The following GALNT15 variants were observed in gnomAD, a reference collection of about 807,000 sequenced individuals.
GALNT15 encodes UDP-GalNAc transferase T15.
In GALNT15, 67 loss-of-function variants were observed where a neutral mutation model predicts 66.8. That is an observed-to-expected ratio of 1.00 (90% confidence interval 0.82 to 1.23). The LOEUF (loss-of-function observed/expected upper bound fraction) is 1.23. Among genes scored for constraint, GALNT15 ranks in the 50% most tolerant of loss-of-function variants. GALNT15 has a pLI of 0.00. For missense variants in GALNT15, 827 were observed against 804.3 expected, an observed-to-expected ratio of 1.03 and a Z score of -0.34; for synonymous variants, 313 against 311.5, an observed-to-expected ratio of 1.00 and a Z score of -0.05.
At chr3:16,205,038 T>G (rs1056773339) in intron 3 of GALNT15, among the ~76,000 whole-genome samples, 1 of 152,228 alleles carries the variant, frequency 6.6e-6, no homozygotes, top group African/African-American at 2.4e-5. Context: ...CAGCCTTCTT[T>G]GGCTCAGGTG....
downstream of GALNT15, among the ~76,000 whole-genome samples, chr3:16,236,637 A>G (rs967647790): frequency 1.3e-5 from 2 of 152,260 alleles, no homozygotes; most frequent in African/African-American, 4.8e-5. Flanking sequence ...TCTGTTATAC[A>G]TAACAGAACA....
chr3:16,222,695 G>T lies in GALNT15; in HGVS notation c.1710G>T (p.Val570=). The change falls in exon 9 of 10, where the codon GTG becomes GTT. Residue 570 remains valine, a synonymous_variant. Coordinates refer to ENST00000339732, the MANE Select transcript of GALNT15 (RefSeq NM_054110.5). ...HLCFAVRQEQ[V]ILQNCTEEGL... ...GCTTTGCTGTCAGGCAGGAGCAGGT[G>T]ATTCTTCAGAACTGCACGGAGGAAG... The T allele has an allele frequency of 6.2e-7, 1 of 1,614,258 alleles. No individual in the cohort carries two copies. Among genetic ancestry groups the T allele is most frequent in the Non-Finnish European group, 8.5e-7 (1 of 1,180,050 alleles).
rs914434248 is a variant in GALNT15 at position 16,203,487 on chromosome 3, G to C, written c.911+2664G>C. 4.2e-5 allele frequency among the ~76,000 whole-genome samples: 6 copies of C among 143,156 alleles called. No homozygotes were observed. Among genetic ancestry groups the C allele is most frequent in the Admixed American group, 1.4e-4 (2 of 14,276 alleles). 93.9% of individuals were successfully genotyped at this position (143,156 alleles called of 152,430 possible). ...GTCTCTGCCTCTCTACCTCTCTCACGGTCTTTGTCTCTCTCTGTCTCTTGG... is the reference window on the plus strand; with the variant it reads ...GTCTCTGCCTCTCTACCTCTCTCACCGTCTTTGTCTCTCTCTGTCTCTTGG... On this transcript the variant is annotated intron_variant, in intron 3 of 9. Transcript: ENST00000339732. The surrounding 1 kb of genome is among the most constrained non-coding windows in gnomAD (Gnocchi z 6.2).
At chr3:16,240,517 G>A in the GALNT15 span, among the ~76,000 whole-genome samples, 1 of 152,178 alleles carries the variant, frequency 6.6e-6, no homozygotes, top group Non-Finnish European at 1.5e-5. Flanking sequence ...AGGCAATCAA[G>A]TGCTCCTTTT....
Position 16,211,030 on chromosome 3 carries a change from A to G in GALNT15, c.1080-94A>G. 1.2e-6 allele frequency: 1 copy of G among 841,414 alleles called. No individual in the cohort carries two copies. The highest frequency in any genetic ancestry group is 1.4e-5 in the South Asian group (1 of 70,006). The allele number at this position is 841,414 out of a possible 1,614,324, so 52.1% of individuals were successfully genotyped here. ...GAGCCTAAAGCCTGTTCTCTCAGCC[A>G]CTGGAGCTCCCACCTGGGAAGCCCC... On this transcript the variant is annotated intron_variant, in intron 4 of 9. Transcript: ENST00000339732. The surrounding 1 kb of genome is among the most constrained non-coding windows in gnomAD (Gnocchi z 4.3).
chr3:16,196,516 A>G (rs1004716146), intron 2 of GALNT15, among the ~76,000 whole-genome samples: 1 of 152,172 alleles, frequency 6.6e-6, no homozygotes, highest in African/African-American at 2.4e-5. Context: ...GAACCTGGCT[A>G]CTAGGGACAG....
At chr3:16,199,108 A>G (rs79991116) in intron 2 of GALNT15, among the ~76,000 whole-genome samples, 11,569 of 141,652 alleles carry the variant, frequency 0.082, 2,197 homozygotes, top group Non-Finnish European at 0.11. Context: ...GGGACTCCCC[A>G]TTTCCAAGAC....
intron 1 of GALNT15, among the ~76,000 whole-genome samples, chr3:16,178,825 G>A (rs771826850): frequency 1.3e-5 from 2 of 152,212 alleles, no homozygotes; most frequent in Non-Finnish European, 2.9e-5. Context: ...AGAGCGCTAG[G>A]ACATCAGGAG....
At chr3:16,245,743 C>T in the GALNT15 span, among the ~76,000 whole-genome samples, 62 of 152,338 alleles carry the variant, frequency 4.1e-4, no homozygotes, top group Non-Finnish European at 7.1e-4. Context: ...GCCATATTCC[C>T]GGCTTCTTCC....
intron 9 of GALNT15, 87 bp downstream of exon 9, chr3:16,222,845 G>T: frequency 6.7e-7 from 1 of 1,483,140 alleles, no homozygotes; most frequent in Non-Finnish European, 9.2e-7. Context: ...TCTTCCAAGA[G>T]GTCAGGTATT....
chr3:16,222,874 T>A lies in GALNT15; in HGVS notation c.1773+116T>A, dbSNP rs908418245. 18 of 1,235,272 alleles carry A rather than the reference T, an allele frequency of 1.5e-5. No homozygotes were observed. In the South Asian group the frequency reaches 2.5e-4, roughly 17 times the overall value. 76.5% of individuals were successfully genotyped at this position (1,235,272 alleles called of 1,614,324 possible). ...AGGTATTAGGGACCTCTGCCTCTGC[T>A]TTTGAACTTAGTGGCTGGGCAGTAA... On this transcript the variant is annotated intron_variant, in intron 9 of 9. Coordinates refer to ENST00000339732, the MANE Select transcript of GALNT15 (RefSeq NM_054110.5).
Position 16,207,501 on chromosome 3 carries a change from TAAAAAAAAAAAAAAAAAAAAAAAAA to T in GALNT15, c.912-984_912-960del, listed in dbSNP as rs36127239. 3.2e-3 allele frequency among the ~76,000 whole-genome samples: 126 copies of T among 39,846 alleles called. 9 individuals are homozygous for T. Among genetic ancestry groups the T allele is most frequent in the Admixed American group, 5.4e-3 (12 of 2,218 alleles). 26.1% of individuals were successfully genotyped at this position (39,846 alleles called of 152,430 possible). ...ACTCTGCAGTCATATCTCCAGGCTGTAAAAAAAAAAAAAAAAAAAAAAAAAAAAAAAAAAAAAAAAAATTGGGCCT... is the reference window on the plus strand; with the variant it reads ...ACTCTGCAGTCATATCTCCAGGCTGTAAAAAAAAAAAAAAAAATTGGGCCT... On this transcript the variant is annotated intron_variant, in intron 3 of 9. Transcript: ENST00000339732.
At position 16,211,272 on chromosome 3, in the gene GALNT15, G is replaced by A; in HGVS notation, c.1197+31G>A. On this transcript the variant is annotated intron_variant, in intron 5 of 9. Transcript: ENST00000339732. This position sits in a 1 kb window ranked among gnomAD's most constrained non-coding sequence, Gnocchi z 4.3. ...TCCTGGACCAAGGGAGGACAGAGGT[G>A]GGATCTCTGGAGTGGTGTGTATGGT... 7.1e-7 allele frequency: 1 copy of A among 1,400,154 alleles called. No individual in the cohort carries two copies. Among genetic ancestry groups the A allele is most frequent in the Non-Finnish European group, 1.0e-6 (1 of 984,866 alleles). The allele number at this position is 1,400,154 out of a possible 1,614,324, so 86.7% of individuals were successfully genotyped here.
downstream of GALNT15, among the ~76,000 whole-genome samples, chr3:16,232,465 AATAAATATATATATATATATATATATAT>A (rs2064091757): frequency 3.5e-5 from 1 of 28,636 alleles, no homozygotes; most frequent in South Asian, 1.7e-3. Flanking sequence ...TAAATAAATA[AATAAATATATATATATATATATATATAT>A]ATATATATAT....
rs567742761 is a variant in GALNT15, at chr3:16,201,639, A to C, written c.911+816A>C. Among the ~76,000 whole-genome samples, 11 of 152,264 alleles carry C rather than the reference A, an allele frequency of 7.2e-5. No individual in the cohort carries two copies. The East Asian group carries it at 1.9e-3, about 27-fold the overall frequency. On this transcript the variant is annotated intron_variant, in intron 3 of 9. Coordinates refer to ENST00000339732, the MANE Select transcript of GALNT15 (RefSeq NM_054110.5). Reference sequence around the variant, plus strand: ...TCCCCAGTTTATATAAGGGGTCCCTAATTTTCTACCTAAGGCCAGTCCTTG... The same window carrying C: ...TCCCCAGTTTATATAAGGGGTCCCTCATTTTCTACCTAAGGCCAGTCCTTG...
At chr3:16,185,199 G>A (rs575483707) in intron 1 of GALNT15, among the ~76,000 whole-genome samples, 4 of 152,158 alleles carry the variant, frequency 2.6e-5, no homozygotes, top group Non-Finnish European at 5.9e-5. Context: ...GAGAAAATCA[G>A]AATGAAGATA....
intron 9 of GALNT15, among the ~76,000 whole-genome samples, chr3:16,226,537 G>T (rs543231951): frequency 6.6e-6 from 1 of 152,298 alleles, no homozygotes; most frequent in African/African-American, 2.4e-5. Flanking sequence ...GAGCAAGGGA[G>T]AGAGAGAGCG....
Position 16,219,399 on chromosome 3 carries a change from C to G in GALNT15, c.1393-4C>G, listed in dbSNP as rs763203812. 1.2e-6 allele frequency: 2 copies of G among 1,613,874 alleles called. No individual in the cohort carries two copies. Among genetic ancestry groups the G allele is most frequent in the Non-Finnish European group, 1.7e-6 (2 of 1,179,868 alleles). On this transcript the variant is annotated splice_region_variant and splice_polypyrimidine_tract_variant and intron_variant, in intron 6 of 9. Coordinates refer to ENST00000339732, the MANE Select transcript of GALNT15 (RefSeq NM_054110.5). This position sits in a 1 kb window ranked among gnomAD's most constrained non-coding sequence, Gnocchi z 4.3. Reference sequence around the variant, plus strand: ...CATCCTGCTTGTGTCTTTCTCCTCCCCAGGCTGAGAAGCCAGACTGCATGG... The same window carrying G: ...CATCCTGCTTGTGTCTTTCTCCTCCGCAGGCTGAGAAGCCAGACTGCATGG...
Position 16,204,894 on chromosome 3 carries a change from A to AGT in GALNT15, c.912-3598_912-3597dup, listed in dbSNP as rs777638458. Reference sequence around the variant, plus strand: ...CCCCTTGTGCTTGTGCATGTGAGTCAGTGTGTGTGTGTAAGCATGTGAGAG... The same window carrying AGT: ...CCCCTTGTGCTTGTGCATGTGAGTCAGTGTGTGTGTGTGTAAGCATGTGAGAG... On this transcript the variant is annotated intron_variant, in intron 3 of 9. Coordinates refer to ENST00000339732, the MANE Select transcript of GALNT15 (RefSeq NM_054110.5). The surrounding 1 kb of genome is among the most constrained non-coding windows in gnomAD (Gnocchi z 4.5). Among the ~76,000 whole-genome samples the AGT allele has an allele frequency of 1.2e-4, 19 of 152,226 alleles. No homozygotes were observed. Among genetic ancestry groups the AGT allele is most frequent in the Non-Finnish European group, 2.2e-4 (15 of 67,992 alleles).
Sources: allele counts gnomAD v4.1 joint callset (sites outside exome capture counted in the v4.1 genomes callset), GRCh38; gene constraint gnomAD v4.1.1; non-coding constraint Gnocchi (gnomAD v3.1); transcripts MANE v1.5; gene names NCBI Gene and HGNC (gene_info 2026-07-23, HGNC 2026-07-21).